AGBL4: variants seen among roughly 807,000 people sequenced by gnomAD.
AGBL4 encodes the protein AGBL carboxypeptidase 4.
In AGBL4, 58 loss-of-function variants were observed where a neutral mutation model predicts 66.4. The ratio of observed to expected loss-of-function variants is 0.87; its 90% CI spans 0.71 to 1.09. The LOEUF is 1.09. AGBL4 is among the 50% of genes least tolerant of loss of function. The probability of loss-of-function intolerance (pLI) is 0.00; values close to 1 mark genes in which losing one functional copy is unlikely to be tolerated. For missense variants in AGBL4, 579 were observed against 631.0 expected (o/e 0.92, Z 0.88); for synonymous variants, 234 against 222.9 (o/e 1.05, Z -0.44).
chr1:48,524,534 TG>T, the AGBL4 span, among the ~76,000 whole-genome samples: 143 of 152,216 alleles, frequency 9.4e-4, 4 homozygotes, highest in South Asian at 0.029. Flanking sequence ...CCTGGGAGGC[TG>T]GGGCAGAGGG....
At chr1:48,891,618 A>G (rs2148856595) in intron 5 of AGBL4, among the ~76,000 whole-genome samples, 1 of 152,268 alleles carries the variant, frequency 6.6e-6, no homozygotes, top group South Asian at 2.1e-4. Context: ...CTGCCCAGAG[A>G]TTTGCTTTCA....
At chr1:49,566,613 G>T (rs1378793065) in intron 3 of AGBL4, among the ~76,000 whole-genome samples, 2 of 152,202 alleles carry the variant, frequency 1.3e-5, no homozygotes, top group Non-Finnish European at 2.9e-5. Flanking sequence ...CAGAACAGCG[G>T]ATATTGGTGA....
rs188515037 is a variant in AGBL4 at position 49,303,028 on chromosome 1, A to G, written c.283-57164T>C. 3.5e-3 allele frequency among the ~76,000 whole-genome samples: 531 copies of G among 152,212 alleles called. 1 individual carries two copies. The highest frequency in any genetic ancestry group is 0.017 in the Middle Eastern group (5 of 294). ...TTCATGGCTGCATAGTATTTCATGT[A>G]TATATGTACCACATTTTCTTTATCC... On this transcript the variant is annotated intron_variant, in intron 3 of 13. Coordinates refer to ENST00000371839, the MANE Select transcript of AGBL4 (RefSeq NM_032785.4).
chr1:48,977,966 A>G (rs1306292606), intron 5 of AGBL4, among the ~76,000 whole-genome samples: 1 of 152,210 alleles, frequency 6.6e-6, no homozygotes, highest in Admixed American at 6.6e-5. Flanking sequence ...TTTAGATTAC[A>G]TATTATTAAG....
At chr1:49,207,921 T>C (rs1450773394) in intron 4 of AGBL4, among the ~76,000 whole-genome samples, 1 of 152,010 alleles carries the variant, frequency 6.6e-6, no homozygotes, top group Non-Finnish European at 1.5e-5. Flanking sequence ...CCATGCATGC[T>C]ATTGATATTG....
At chr1:49,995,432 G>A (rs1042185889) in intron 1 of AGBL4, 3 of 383,822 alleles carry the variant, frequency 7.8e-6, no homozygotes, top group Non-Finnish European at 1.6e-5. Flanking sequence ...TAATCCCCCT[G>A]AGAACACAAC....
chr1:49,305,753 C>T (rs956901380), intron 3 of AGBL4, among the ~76,000 whole-genome samples: 1 of 151,292 alleles, frequency 6.6e-6, no homozygotes, highest in South Asian at 2.1e-4. Flanking sequence ...TGCAATGGCA[C>T]GATTTTGGCT....
intron 1 of AGBL4, among the ~76,000 whole-genome samples, chr1:49,855,520 G>A (rs75625646): frequency 0.053 from 8,091 of 152,034 alleles, 241 homozygotes; most frequent in African/African-American, 0.071. Flanking sequence ...CAAGTCTCAA[G>A]AAATTTCAAA....
intron 2 of AGBL4, among the ~76,000 whole-genome samples, chr1:49,826,523 T>C: frequency 6.6e-6 from 1 of 152,148 alleles, no homozygotes; most frequent in East Asian, 1.9e-4. Context: ...TAAGAATGAG[T>C]TGATGACAAA....
intron 3 of AGBL4, among the ~76,000 whole-genome samples, chr1:49,545,680 CAT>C (rs1271828302): frequency 6.6e-6 from 1 of 152,114 alleles, no homozygotes; most frequent in African/African-American, 2.4e-5. Context: ...TTAAATGAAA[CAT>C]ATGTAAAATT....
intron 5 of AGBL4, among the ~76,000 whole-genome samples, chr1:48,953,879 C>G (rs1485366597): frequency 6.6e-6 from 1 of 152,162 alleles, no homozygotes; most frequent in African/African-American, 2.4e-5. Context: ...CTAAATCTAG[C>G]CTAGCTTAGA....
At chr1:48,672,937 A>T (rs814563) in intron 6 of AGBL4, among the ~76,000 whole-genome samples, 85,167 of 151,940 alleles carry the variant, frequency 0.56, 24,169 homozygotes, top group Middle Eastern at 0.66. Context: ...CAGGCACTTT[A>T]CATACATCAG....
intron 6 of AGBL4, among the ~76,000 whole-genome samples, chr1:48,829,462 A>G (rs1442827414): frequency 6.6e-6 from 1 of 152,174 alleles, no homozygotes; most frequent in Non-Finnish European, 1.5e-5. Flanking sequence ...CAAAGGCATC[A>G]TATATCCCCC....
intron 9 of AGBL4, among the ~76,000 whole-genome samples, chr1:48,596,322 G>A (rs1467170818): frequency 6.6e-6 from 1 of 152,084 alleles, no homozygotes; most frequent in Non-Finnish European, 1.5e-5. Context: ...TATGTGTGTG[G>A]GAGGAGCAAG....
chr1:49,614,956 T>C (rs1645223803), intron 3 of AGBL4, among the ~76,000 whole-genome samples: 1 of 152,176 alleles, frequency 6.6e-6, no homozygotes, highest in African/African-American at 2.4e-5. Flanking sequence ...AAAACATTTG[T>C]ATAATAAATG....
intron 6 of AGBL4, among the ~76,000 whole-genome samples, chr1:48,831,209 G>C (rs1646544434): frequency 6.6e-6 from 1 of 152,088 alleles, no homozygotes; most frequent in South Asian, 2.1e-4. Flanking sequence ...CTATAAGCTT[G>C]TTTTCTTTGT....
intron 6 of AGBL4, among the ~76,000 whole-genome samples, chr1:48,680,969 C>T (rs1006475140): frequency 6.6e-6 from 1 of 152,138 alleles, no homozygotes; most frequent in Non-Finnish European, 1.5e-5. Context: ...CTGGTGTACT[C>T]ATTAAAATTA....
intron 8 of AGBL4, among the ~76,000 whole-genome samples, chr1:48,644,209 G>T (rs1645800658): frequency 6.6e-6 from 1 of 152,074 alleles, no homozygotes; most frequent in Non-Finnish European, 1.5e-5. Flanking sequence ...TTACTGTGTT[G>T]TTATTTATTA....
chr1:49,796,188 A>G (rs1040901350), intron 2 of AGBL4, among the ~76,000 whole-genome samples: 11 of 151,962 alleles, frequency 7.2e-5, no homozygotes, highest in Non-Finnish European at 1.3e-4. Context: ...AACTTTAACA[A>G]TGGTATATAG....
Sources: gnomAD v4.1 joint callset for allele counts (sites outside exome capture counted in the v4.1 genomes callset) on GRCh38, gnomAD v4.1.1 for gene constraint, MANE v1.5 for transcripts, NCBI Gene and HGNC (gene_info 2026-07-23, HGNC 2026-07-21) for gene names.